The following PEX5 variants were observed in gnomAD, a reference collection of about 807,000 sequenced individuals.
PEX5 encodes the protein peroxisomal biogenesis factor 5, also known as PTS1 receptor.
In PEX5, 52 loss-of-function variants were observed where a neutral mutation model predicts 82.9. The observed-to-expected ratio is 0.63, with a 90% confidence interval of 0.50 to 0.79. The LOEUF (loss-of-function observed/expected upper bound fraction) is 0.79, where lower values mean the gene tolerates loss of function less well. Among genes scored for constraint, PEX5 ranks in the 30% least tolerant of loss-of-function variants. The pLI, the probability that PEX5 is intolerant of heterozygous loss-of-function variation, is 0.00. For missense variants in PEX5, 719 were observed against 815.2 expected, an observed-to-expected ratio of 0.88 and a Z score of 1.44; for synonymous variants, 300 against 318.8, an observed-to-expected ratio of 0.94 and a Z score of 0.63.
Position 7,189,913 on chromosome 12 carries a change from C to T in PEX5, c.-17+163C>T, listed in dbSNP as rs765183786. The T allele has an allele frequency of 3.5e-6, 5 of 1,435,446 alleles. No individual in the cohort carries two copies. The South Asian group carries it at 4.4e-5, about 13-fold the overall frequency. 88.9% of individuals were successfully genotyped at this position (1,435,446 alleles called of 1,614,324 possible). On this transcript the variant is annotated intron_variant, in intron 1 of 15. Coordinates refer to ENST00000675855, the MANE Select transcript of PEX5 (RefSeq NM_001351132.2). Reference sequence around the variant, plus strand: ...ACCGGGCCGAGCCGGGGGAAGGGCTCCGGTGACTTAAGGGGAGGGAATGCT... The same window carrying T: ...ACCGGGCCGAGCCGGGGGAAGGGCTTCGGTGACTTAAGGGGAGGGAATGCT...
rs774709242 is a variant in PEX5 at position 7,208,659 on chromosome 12, C to G, written c.1384C>G (p.Leu462Val). The G allele has an allele frequency of 1.4e-5, 22 of 1,612,962 alleles. No individual in the cohort carries two copies. Among genetic ancestry groups the G allele is most frequent in the Admixed American group, 1.3e-4 (8 of 59,986 alleles). The change falls in exon 13 of 16, where the codon CTC becomes GTC. Residue 462 changes from leucine to valine, a missense_variant. Leu to Val is a conservative substitution (Grantham distance 32, BLOSUM62 1). Coordinates refer to ENST00000675855, the MANE Select transcript of PEX5 (RefSeq NM_001351132.2). ...LGPSKRILGS[L>V]LSDSLFLEVK... ...CCCCAGCAAGCGTATCCTGGGATCT[C>G]TCTTGTCTGAGTGAGTATGAGGGGT...
chr12:7,189,520 C>A (rs1484652579), upstream of PEX5: 2 of 170,178 alleles, frequency 1.2e-5, no homozygotes, highest in Non-Finnish European at 2.5e-5. Context: ...TCTCCAAGAC[C>A]CGCTCTCTAA....
chr12:7,198,726 A>G (rs999327525), intron 5 of PEX5, among the ~76,000 whole-genome samples: 2 of 152,208 alleles, frequency 1.3e-5, no homozygotes, highest in Non-Finnish European at 2.9e-5. Flanking sequence ...CACTTCAAGA[A>G]AAAGAGTTTG....
At chr12:7,198,590 C>G (rs1591715704) in intron 5 of PEX5, among the ~76,000 whole-genome samples, 3 of 152,142 alleles carry the variant, frequency 2.0e-5, no homozygotes, top group African/African-American at 4.8e-5. Flanking sequence ...AGAGGGAGAA[C>G]AGACCAGTGC....
In PEX5 at chr12:7,203,327, T is replaced by C. The variant is rs879628016; in HGVS notation, c.847-105T>C. ...CTTATTCAGATGATTCTTAAACATA[T>C]TGAAATTCAAGAACTGCTGCCTTAG... On this transcript the variant is annotated intron_variant, in intron 9 of 15. Coordinates refer to ENST00000675855, the MANE Select transcript of PEX5 (RefSeq NM_001351132.2). The C allele has an allele frequency of 2.0e-4, 253 of 1,296,156 alleles. No homozygotes were observed. The Middle Eastern group carries it at 3.9e-3, about 20-fold the overall frequency. 80.3% of individuals were successfully genotyped at this position (1,296,156 alleles called of 1,614,324 possible).
chr12:7,200,141 C>T (rs1182377108), intron 6 of PEX5, among the ~76,000 whole-genome samples: 2 of 149,294 alleles, frequency 1.3e-5, no homozygotes, highest in East Asian at 2.1e-4. Context: ...GACGGGGCGG[C>T]TGCCGGGCAG....
intron 17 of PEX5, among the ~76,000 whole-genome samples, chr12:7,217,434 C>T (rs1005404122): frequency 6.6e-6 from 1 of 152,188 alleles, no homozygotes; most frequent in African/African-American, 2.4e-5. Context: ...GATGCCTCAA[C>T]TAGGGCTGGG....
In PEX5 at chr12:7,207,708, T is replaced by G. The variant is rs1287154792; in HGVS notation, c.1016T>G (p.Phe339Cys). 6.2e-7 allele frequency: 1 copy of G among 1,614,096 alleles called. No homozygotes were observed. The highest frequency in any genetic ancestry group is 1.3e-5 in the African/African-American group (1 of 75,020). ...ENPLRDHPQP[F>C]EEGLRRLQEG... The stretch of plus-strand genomic sequence containing the variant: ...CCCTTGCGTGATCACCCTCAGCCTT[T>G]TGAAGAAGGGCTGCGGCGCCTTCAG... The change falls in exon 11 of 16, where the codon TTT (phenylalanine) becomes TGT (cysteine). Residue 339 changes from phenylalanine (F) to cysteine (C), a missense_variant. Coordinates refer to ENST00000675855, the MANE Select transcript of PEX5 (RefSeq NM_001351132.2).
intron 5 of PEX5, among the ~76,000 whole-genome samples, chr12:7,198,378 T>C (rs1402229926): frequency 6.6e-6 from 1 of 152,200 alleles, no homozygotes; most frequent in African/African-American, 2.4e-5. Context: ...AGCTGTACAC[T>C]TAAGTTTGGT....
At chr12:7,200,770 A>G (rs1198735975) in intron 6 of PEX5, among the ~76,000 whole-genome samples, 2 of 150,144 alleles carry the variant, frequency 1.3e-5, no homozygotes, top group African/African-American at 2.4e-5. Flanking sequence ...CGTGCCTGCA[A>G]TTGCAGGCAC....
intron 5 of PEX5, among the ~76,000 whole-genome samples, chr12:7,197,545 AT>A (rs1942979993): frequency 8.6e-6 from 1 of 116,404 alleles, no homozygotes; most frequent in African/African-American, 2.8e-5. Flanking sequence ...GTAATTATAT[AT>A]GTTATATATA....
chr12:7,205,590 A>G (rs1944667441), intron 10 of PEX5, among the ~76,000 whole-genome samples: 1 of 152,244 alleles, frequency 6.6e-6, no homozygotes, highest in Non-Finnish European at 1.5e-5. Context: ...TGTATCAGAT[A>G]AAATTAATGA....
chr12:7,211,732 A>ATTGT (rs1945588984), downstream of PEX5, among the ~76,000 whole-genome samples: 1 of 152,232 alleles, frequency 6.6e-6, no homozygotes, highest in East Asian at 1.9e-4. Flanking sequence ...GTGCCATATA[A>ATTGT]TTGTTAGGTT....
rs777532359 is a variant in PEX5, at chr12:7,203,517, A to C, written c.932A>C (p.Asp311Ala). 2 of 1,613,852 alleles carry C rather than the reference A, an allele frequency of 1.2e-6. No individual in the cohort carries two copies. Among genetic ancestry groups the C allele is most frequent in the African/African-American group, 2.7e-5 (2 of 74,890 alleles). ...RDAEAHPWLSDYDDLTSATYD... is the reference protein window; with the variant it reads ...RDAEAHPWLSAYDDLTSATYD... The stretch of plus-strand genomic sequence containing the variant: ...GCTGAGGCCCACCCCTGGCTTTCTG[A>C]CTATGATGACCTTACGTCAGCTACC... The change falls in exon 10 of 16, where the codon GAC becomes GCC. Residue 311 changes from aspartate (D) to alanine (A), a missense_variant. Asp to Ala is a moderately radical substitution (Grantham distance 126). Coordinates refer to ENST00000675855, the MANE Select transcript of PEX5 (RefSeq NM_001351132.2).
At chr12:7,194,824 A>T (rs1565679099) in intron 5 of PEX5, among the ~76,000 whole-genome samples, 2 of 152,190 alleles carry the variant, frequency 1.3e-5, no homozygotes, top group South Asian at 4.1e-4. Context: ...TCTTTTCTGG[A>T]TGTTGGAGGA....
intron 5 of PEX5, among the ~76,000 whole-genome samples, chr12:7,195,871 T>C (rs1798404821): frequency 6.6e-6 from 1 of 151,004 alleles, no homozygotes; most frequent in Non-Finnish European, 1.5e-5. Context: ...TCTCCACACT[T>C]GAGGCAACAG....
chr12:7,207,693 A>C lies in PEX5; in HGVS notation c.1001A>C (p.Asp334Ala), dbSNP rs1383438273. The C allele has an allele frequency of 6.2e-7, 1 of 1,613,960 alleles. No homozygotes were observed. The highest frequency in any genetic ancestry group is 2.2e-5 in the East Asian group (1 of 44,888). ...YQFEEENPLR[D>A]HPQPFEEGLR... ...TTTGAGGAGGAGAACCCCTTGCGTG[A>C]TCACCCTCAGCCTTTTGAAGAAGGG... The change falls in exon 11 of 16, where the codon GAT (aspartate) becomes GCT (alanine). Residue 334 changes from aspartate to alanine, a missense_variant. Transcript: ENST00000675855.
intron 5 of PEX5, among the ~76,000 whole-genome samples, chr12:7,196,548 ATAAT>A (rs1163893438): frequency 1.6e-5 from 1 of 63,662 alleles, no homozygotes; most frequent in Admixed American, 3.2e-4. Flanking sequence ...ATATAATGTA[ATAAT>A]TATATATGTC....
chr12:7,196,033 TTA>T (rs1491263265), intron 5 of PEX5, among the ~76,000 whole-genome samples: 1 of 144,300 alleles, frequency 6.9e-6, no homozygotes, highest in Non-Finnish European at 1.5e-5. Context: ...ACATTATATA[TTA>T]TATATATTAT....
Sources: gnomAD v4.1 joint callset for allele counts (sites outside exome capture counted in the v4.1 genomes callset) on GRCh38, gnomAD v4.1.1 for gene constraint, MANE v1.5 for transcripts, NCBI Gene and HGNC (gene_info 2026-07-23, HGNC 2026-07-21) for gene names.